The following GALNTL6 variants were observed in gnomAD, a reference collection of about 807,000 sequenced individuals.
GALNTL6 encodes polypeptide N-acetylgalactosaminyltransferase like 6.
In GALNTL6, 46 loss-of-function variants were observed where a neutral mutation model predicts 73.7. The observed-to-expected ratio is 0.62, with a 90% CI of 0.49 to 0.80. The LOEUF (loss-of-function observed/expected upper bound fraction) is 0.80. Ranked by LOEUF, GALNTL6 falls within the 30% of genes least tolerant of loss-of-function variation. The pLI is 0.00. For missense variants in GALNTL6, 604 were observed against 755.0 expected (o/e 0.80, Z 2.34); for synonymous variants, 259 against 263.7 (o/e 0.98, Z 0.17).
At chr4:172,876,597 GC>G (rs1745205005) in intron 7 of GALNTL6, among the ~76,000 whole-genome samples, 1 of 152,066 alleles carries the variant, frequency 6.6e-6, no homozygotes, top group Non-Finnish European at 1.5e-5. Context: ...TTCTATCTTT[GC>G]CCCTAGAGTG....
intron 2 of GALNTL6, among the ~76,000 whole-genome samples, chr4:171,958,020 C>A (rs1185664828): frequency 2.0e-5 from 3 of 152,090 alleles, no homozygotes; most frequent in African/African-American, 4.8e-5. Flanking sequence ...CAGAAAAGCA[C>A]CTTTGTGTAA....
intron 2 of GALNTL6, among the ~76,000 whole-genome samples, chr4:172,060,545 A>G (rs1193588091): frequency 7.9e-5 from 12 of 152,200 alleles, no homozygotes; most frequent in Admixed American, 3.9e-4. Flanking sequence ...TGCATGAAAA[A>G]TAAAACATTT....
chr4:172,653,131 T>G (rs561050101), intron 5 of GALNTL6, among the ~76,000 whole-genome samples: 2 of 151,942 alleles, frequency 1.3e-5, no homozygotes, highest in Non-Finnish European at 2.9e-5. Flanking sequence ...TAACCTTGTA[T>G]GTTGTTGACA....
At chr4:172,246,899 C>T (rs1454596799) in intron 3 of GALNTL6, among the ~76,000 whole-genome samples, 1 of 151,348 alleles carries the variant, frequency 6.6e-6, no homozygotes, top group Non-Finnish European at 1.5e-5. Flanking sequence ...TTAATGAGTT[C>T]TGGGGTAACC....
chr4:171,890,768 T>A (rs893050738), intron 2 of GALNTL6, among the ~76,000 whole-genome samples: 1 of 152,144 alleles, frequency 6.6e-6, no homozygotes, highest in Admixed American at 6.6e-5. Context: ...CAATGACATA[T>A]AGTCAAACTC....
At chr4:172,354,016 G>C (rs142902211) in intron 5 of GALNTL6, among the ~76,000 whole-genome samples, 46 of 152,148 alleles carry the variant, frequency 3.0e-4, no homozygotes, top group Admixed American at 1.2e-3. Context: ...GAAGTTGGAA[G>C]ATATCAGTGT....
At chr4:172,558,289 A>G (rs1349950160) in intron 5 of GALNTL6, among the ~76,000 whole-genome samples, 1 of 152,208 alleles carries the variant, frequency 6.6e-6, no homozygotes, top group Non-Finnish European at 1.5e-5. Flanking sequence ...ATATTTTGAA[A>G]AAGGTGTAAG....
chr4:172,384,284 G>T (rs1470699687), intron 5 of GALNTL6, among the ~76,000 whole-genome samples: 1 of 152,024 alleles, frequency 6.6e-6, no homozygotes, highest in South Asian at 2.1e-4. Flanking sequence ...CTCTTTACTT[G>T]TTATAGATCT....
At chr4:172,783,914 T>C (rs941925027) in intron 5 of GALNTL6, among the ~76,000 whole-genome samples, 1 of 152,148 alleles carries the variant, frequency 6.6e-6, no homozygotes, top group Non-Finnish European at 1.5e-5. Flanking sequence ...TAATTATGGA[T>C]GTACCACAGA....
chr4:172,287,846 G>A lies in GALNTL6; in HGVS notation c.248-23768G>A, dbSNP rs367568585. 3.3e-5 allele frequency among the ~76,000 whole-genome samples: 5 copies of A among 152,240 alleles called. No homozygotes were observed. In the South Asian group the frequency reaches 6.2e-4, roughly 19 times the overall value. ...GAACTTCCTTAGAGTGGGAATGAGC[G>A]CTGAGCTTGAAACATTTCTGGAAAC... is the stretch of plus-strand genomic sequence containing the variant. On this transcript the variant is annotated intron_variant, in intron 3 of 12. Transcript: ENST00000506823.
chr4:172,745,535 T>C (rs1412696358), intron 5 of GALNTL6, among the ~76,000 whole-genome samples: 2 of 151,520 alleles, frequency 1.3e-5, no homozygotes, highest in African/African-American at 2.4e-5. Context: ...GAAGAATGAA[T>C]TGGAGGTAAA....
At chr4:172,498,086 G>A (rs560538121) in intron 5 of GALNTL6, among the ~76,000 whole-genome samples, 1 of 148,326 alleles carries the variant, frequency 6.7e-6, no homozygotes, top group African/African-American at 2.5e-5. Context: ...CGCCTCCCAG[G>A]TTCCAGCGAC....
intron 8 of GALNTL6, among the ~76,000 whole-genome samples, chr4:172,928,756 A>G (rs1748183347): frequency 6.6e-6 from 1 of 152,234 alleles, no homozygotes; most frequent in South Asian, 2.1e-4. Flanking sequence ...TATCAGAACT[A>G]CACATCTTTA....
chr4:171,890,344 G>T (rs771138026), intron 2 of GALNTL6, among the ~76,000 whole-genome samples: 1 of 151,898 alleles, frequency 6.6e-6, no homozygotes, highest in African/African-American at 2.4e-5. Context: ...TCCTTCATTT[G>T]TTTCTTTTAA....
intron 5 of GALNTL6, among the ~76,000 whole-genome samples, chr4:172,587,028 AG>A (rs1188429467): frequency 2.6e-5 from 4 of 152,230 alleles, no homozygotes; most frequent in Admixed American, 2.6e-4. Flanking sequence ...ATTGCTTACA[AG>A]CATAAAATTA....
chr4:172,167,573 A>T (rs976450966), intron 2 of GALNTL6, among the ~76,000 whole-genome samples: 1 of 152,250 alleles, frequency 6.6e-6, no homozygotes, highest in Non-Finnish European at 1.5e-5. Context: ...AAATAACTAT[A>T]TATGACCATA....
intron 5 of GALNTL6, among the ~76,000 whole-genome samples, chr4:172,555,530 C>T (rs1358776896): frequency 6.6e-6 from 1 of 151,992 alleles, no homozygotes; most frequent in Non-Finnish European, 1.5e-5. Flanking sequence ...TACAAAGTGT[C>T]CCCATGCTGT....
chr4:172,147,552 C>G (rs1733958807), intron 2 of GALNTL6, among the ~76,000 whole-genome samples: 1 of 152,156 alleles, frequency 6.6e-6, no homozygotes, highest in South Asian at 2.1e-4. Flanking sequence ...TTTTTGTTTT[C>G]ATCTTTCCCT....
chr4:172,827,127 G>T (rs1156689429), intron 7 of GALNTL6, among the ~76,000 whole-genome samples: 1 of 152,170 alleles, frequency 6.6e-6, no homozygotes, highest in South Asian at 2.1e-4. Context: ...GCATGGTAGG[G>T]TCACTCTCCC....
Sources: gnomAD v4.1 joint callset for allele counts (sites outside exome capture counted in the v4.1 genomes callset) on GRCh38, gnomAD v4.1.1 for gene constraint, MANE v1.5 for transcripts, NCBI Gene and HGNC (gene_info 2026-07-23, HGNC 2026-07-21) for gene names.